Variants in AUTS2 observed in about 807,000 individuals in gnomAD.
The protein encoded by AUTS2 is autism susceptibility gene 2 protein.
In AUTS2, 17 loss-of-function variants were observed where a neutral mutation model predicts 112.4. The ratio of observed to expected loss-of-function variants is 0.15; its 90% confidence interval spans 0.10 to 0.23. The LOEUF is 0.23. AUTS2 is among the 10% of genes least tolerant of loss of function. The probability of loss-of-function intolerance (pLI) is 1.00; values close to 1 mark genes in which losing one functional copy is unlikely to be tolerated. For synonymous variants in AUTS2, 751 were observed against 702.7 expected (o/e 1.07, Z -1.09); for missense variants, 1,510 against 1,701.6 (o/e 0.89, Z 1.98).
chr7:70,371,914 T>C (rs1329826727), intron 4 of AUTS2, among the ~76,000 whole-genome samples: 1 of 152,356 alleles, frequency 6.6e-6, no homozygotes, highest in East Asian at 1.9e-4. Flanking sequence ...CATTACCATA[T>C]GGCCAGTGAT....
intron 4 of AUTS2, among the ~76,000 whole-genome samples, chr7:70,249,925 T>A (rs946764426): frequency 2.0e-5 from 3 of 150,190 alleles, no homozygotes; most frequent in Non-Finnish European, 3.0e-5. Context: ...ATTTTACTTT[T>A]AAAATATTAA....
At chr7:70,367,256 C>G (rs898226689) in intron 4 of AUTS2, among the ~76,000 whole-genome samples, 1 of 152,032 alleles carries the variant, frequency 6.6e-6, no homozygotes, top group Non-Finnish European at 1.5e-5. Flanking sequence ...GAGCGAGAGT[C>G]TGTCTCAAAA....
chr7:70,537,902 G>A (rs943909063), intron 5 of AUTS2, among the ~76,000 whole-genome samples: 2 of 152,152 alleles, frequency 1.3e-5, no homozygotes, highest in Non-Finnish European at 2.9e-5. Flanking sequence ...GAGAATGCAC[G>A]GAGGCCTGCA....
intron 5 of AUTS2, among the ~76,000 whole-genome samples, chr7:70,560,745 C>T (rs1437939490): frequency 6.6e-6 from 1 of 152,206 alleles, no homozygotes; most frequent in African/African-American, 2.4e-5. Flanking sequence ...TGCTAGGTGT[C>T]TCCTTTTTTG....
intron 6 of AUTS2, among the ~76,000 whole-genome samples, chr7:70,706,910 T>C (rs1026651738): frequency 6.6e-6 from 1 of 152,222 alleles, no homozygotes; most frequent in Non-Finnish European, 1.5e-5. Flanking sequence ...ACCTTGAACA[T>C]GGGCTTTGGA....
At chr7:70,538,400 C>T (rs555291048) in intron 5 of AUTS2, among the ~76,000 whole-genome samples, 2 of 152,110 alleles carry the variant, frequency 1.3e-5, no homozygotes, top group South Asian at 4.2e-4. Flanking sequence ...TGGTGGCAGG[C>T]GGCTGTCTGC....
chr7:70,521,569 A>G (rs1257713038), intron 5 of AUTS2, among the ~76,000 whole-genome samples: 1 of 152,134 alleles, frequency 6.6e-6, no homozygotes, highest in Non-Finnish European at 1.5e-5. Context: ...TAAACTCTTT[A>G]CTCAGTCCTA....
At position 70,486,321 on chromosome 7, in the gene AUTS2, G is replaced by A. The variant is rs570756534; in HGVS notation, c.690+50540G>A. On this transcript the variant is annotated intron_variant, in intron 5 of 18. Coordinates refer to ENST00000342771, the MANE Select transcript of AUTS2 (RefSeq NM_015570.4). The stretch of plus-strand genomic sequence containing the variant: ...AGTTATCAAACCTTGCTGATCTTTG[G>A]TTTCTTCATCAGCAATAGCCCTGTC... Among the ~76,000 whole-genome samples the A allele has an allele frequency of 5.3e-5, 8 of 152,322 alleles. No homozygotes were observed. The East Asian group carries it at 1.3e-3, about 26-fold the overall frequency.
chr7:70,750,356 C>T lies in AUTS2; in HGVS notation c.743-12514C>T, dbSNP rs548583881. 1.1e-4 allele frequency among the ~76,000 whole-genome samples: 16 copies of T among 142,834 alleles called. No homozygotes were observed. The South Asian group carries it at 3.2e-3, about 29-fold the overall frequency. The allele number at this position is 142,834 out of a possible 152,430, so 93.7% of individuals were successfully genotyped here. The stretch of plus-strand genomic sequence containing the variant: ...TTTTTTTTTTTTAAACAGGGTCTCA[C>T]TCTGTTTTCCATGCTGGAGTGCAGT... On this transcript the variant is annotated intron_variant, in intron 6 of 18. Transcript: ENST00000342771.
At chr7:70,117,127 G>GTT (rs1491008028) in intron 2 of AUTS2, among the ~76,000 whole-genome samples, 2 of 62,782 alleles carry the variant, frequency 3.2e-5, no homozygotes, top group African/African-American at 1.4e-4. Flanking sequence ...GTTTTTTTTT[G>GTT]TTTTTTTTTG....
intron 4 of AUTS2, among the ~76,000 whole-genome samples, chr7:70,144,643 C>T (rs1328247757): frequency 2.0e-5 from 3 of 152,072 alleles, no homozygotes; most frequent in Admixed American, 2.0e-4. Flanking sequence ...TACAGAACCT[C>T]TAGGTCAGAA....
intron 2 of AUTS2, among the ~76,000 whole-genome samples, chr7:69,932,154 A>G (rs1222225012): frequency 1.3e-5 from 2 of 152,050 alleles, no homozygotes; most frequent in African/African-American, 2.4e-5. Context: ...ATTTTTCACT[A>G]TTTTGGATTC....
intron 4 of AUTS2, among the ~76,000 whole-genome samples, chr7:70,136,867 T>A (rs1671274441): frequency 6.6e-6 from 1 of 152,200 alleles, no homozygotes; most frequent in South Asian, 2.1e-4. Flanking sequence ...AGACTTCCTT[T>A]GTTTCTATTT....
intron 2 of AUTS2, among the ~76,000 whole-genome samples, chr7:69,945,988 C>T (rs1001479932): frequency 6.6e-6 from 1 of 152,086 alleles, no homozygotes; most frequent in African/African-American, 2.4e-5. Flanking sequence ...AGGCTCGTGC[C>T]CACCATGTCT....
chr7:69,962,401 C>T (rs1797467387), intron 2 of AUTS2, among the ~76,000 whole-genome samples: 1 of 152,120 alleles, frequency 6.6e-6, no homozygotes, highest in Non-Finnish European at 1.5e-5. Flanking sequence ...ATGCACTTCT[C>T]CGTCCCCCTA....
chr7:70,332,952 A>G (rs969388778), intron 4 of AUTS2, among the ~76,000 whole-genome samples: 2 of 152,220 alleles, frequency 1.3e-5, no homozygotes, highest in African/African-American at 2.4e-5. Flanking sequence ...ACAAAAGCCA[A>G]AATTGACAAA....
At chr7:69,873,068 C>T (rs553680426) in intron 1 of AUTS2, among the ~76,000 whole-genome samples, 1 of 151,916 alleles carries the variant, frequency 6.6e-6, no homozygotes, top group East Asian at 1.9e-4. Context: ...GTCTCGAACT[C>T]CTGACCTCAG....
chr7:69,791,148 G>A (rs1383439482), intron 1 of AUTS2, among the ~76,000 whole-genome samples: 1 of 152,106 alleles, frequency 6.6e-6, no homozygotes, highest in East Asian at 1.9e-4. Flanking sequence ...AAAAATAATG[G>A]CCCTAAATTG....
chr7:70,025,017 T>A (rs1431034549), intron 2 of AUTS2, among the ~76,000 whole-genome samples: 1 of 152,226 alleles, frequency 6.6e-6, no homozygotes, highest in Non-Finnish European at 1.5e-5. Context: ...CTCATTCCTT[T>A]TTCCCTCACT....
Sources: gnomAD v4.1 joint callset for allele counts (sites outside exome capture counted in the v4.1 genomes callset) on GRCh38, gnomAD v4.1.1 for gene constraint, MANE v1.5 for transcripts, NCBI Gene and HGNC (gene_info 2026-07-23, HGNC 2026-07-21) for gene names.